PYGB: variants seen among roughly 807,000 people sequenced by gnomAD.
The protein encoded by PYGB is glycogen phosphorylase, brain form.
Under a neutral mutation model 94.3 loss-of-function variants are expected in PYGB, and 82 were observed. That is an observed-to-expected ratio of 0.87 (90% CI 0.73 to 1.04). The LOEUF (loss-of-function observed/expected upper bound fraction) is 1.04. Ranked by LOEUF, PYGB falls within the 50% of genes least tolerant of loss-of-function variation. The pLI is 0.00. For synonymous variants in PYGB, 488 were observed against 479.1 expected (o/e 1.02, Z -0.24); for missense variants, 1,132 against 1,158.2 (o/e 0.98, Z 0.33).
At chr20:25,288,828 T>C (rs2088441307) in intron 15 of PYGB, among the ~76,000 whole-genome samples, 2 of 152,222 alleles carry the variant, frequency 1.3e-5, no homozygotes, top group Non-Finnish European at 1.5e-5. Flanking sequence ...CCCTGAGCAT[T>C]GCCTGGTTTC....
chr20:25,275,949 C>T (rs574935947), intron 5 of PYGB, among the ~76,000 whole-genome samples: 6 of 152,308 alleles, frequency 3.9e-5, no homozygotes, highest in South Asian at 2.1e-4. Context: ...ACGTGTGTGC[C>T]GGGATGAACC....
intron 2 of PYGB, among the ~76,000 whole-genome samples, chr20:25,268,431 A>G (rs945942212): frequency 6.6e-6 from 1 of 151,316 alleles, no homozygotes; most frequent in East Asian, 1.9e-4. Context: ...GTTCATAAAC[A>G]TGTATTGGGT....
intron 1 of PYGB, among the ~76,000 whole-genome samples, chr20:25,255,914 G>T (rs920951835): frequency 3.3e-5 from 5 of 152,090 alleles, no homozygotes; most frequent in Admixed American, 3.3e-4. Flanking sequence ...TGTATTTTTA[G>T]TAGAGACGGG....
chr20:25,275,898 C>T (rs996313018), intron 5 of PYGB, among the ~76,000 whole-genome samples: 17 of 152,116 alleles, frequency 1.1e-4, no homozygotes, highest in Non-Finnish European at 1.5e-4. Context: ...CCCGGTGCGC[C>T]GCCTGTGTGG....
chr20:25,250,858 A>G (rs1269613939), intron 1 of PYGB: 2 of 152,232 alleles, frequency 1.3e-5, no homozygotes, highest in African/African-American at 4.8e-5. Context: ...ATTAGAAAAT[A>G]TAGATAAGCC....
At chr20:25,289,883 C>A (rs1192602666) in intron 15 of PYGB, 1 of 533,406 alleles carries the variant, frequency 1.9e-6, no homozygotes, top group African/African-American at 1.9e-5. Context: ...ATCCGTCACA[C>A]CTAAAGCATT....
intron 17 of PYGB, among the ~76,000 whole-genome samples, chr20:25,293,187 A>G (rs2088488567): frequency 6.6e-6 from 1 of 151,166 alleles, no homozygotes; most frequent in South Asian, 2.1e-4. Flanking sequence ...GGGAGGAGGG[A>G]ATCCTGAAGA....
Position 25,248,177 on chromosome 20 carries a change from C to T in PYGB, c.-2C>T. The T allele has an allele frequency of 6.3e-7, 1 of 1,589,810 alleles. No homozygotes were observed. The highest frequency in any genetic ancestry group is 8.6e-7 in the Non-Finnish European group (1 of 1,168,492). ...CTCTTTTCCTCCGCCTCCGCCGGCG[C>T]GATGGCGAAGCCGCTGACGGACAGC... is the stretch of plus-strand genomic sequence containing the variant. On this transcript the variant is annotated 5_prime_UTR_variant, in exon 1 of 20. Coordinates refer to ENST00000216962, the MANE Select transcript of PYGB (RefSeq NM_002862.4).
chr20:25,263,449 A>G (rs1325511655), intron 2 of PYGB, among the ~76,000 whole-genome samples: 1 of 152,188 alleles, frequency 6.6e-6, no homozygotes, highest in Admixed American at 6.5e-5. Flanking sequence ...ACTGAAGGAG[A>G]TAGAGACACA....
chr20:25,270,241 C>T (rs1306451219), intron 3 of PYGB, among the ~76,000 whole-genome samples: 6 of 143,140 alleles, frequency 4.2e-5, no homozygotes, highest in African/African-American at 1.6e-4. Flanking sequence ...CTCACTCCGT[C>T]GGCCAGGCTG....
chr20:25,258,575 A>G (rs1258428623), intron 1 of PYGB, among the ~76,000 whole-genome samples: 2 of 152,176 alleles, frequency 1.3e-5, no homozygotes, highest in Non-Finnish European at 2.9e-5. Flanking sequence ...CTCGGTAGAG[A>G]AAGTAGGGCA....
chr20:25,271,356 T>C (rs1255817939), intron 3 of PYGB, 27 bp from the exon 4 acceptor site: 6 of 1,608,954 alleles, frequency 3.7e-6, no homozygotes, highest in Non-Finnish European at 5.1e-6. Flanking sequence ...CCTTTGATTC[T>C]GACTGATTTG....
In PYGB at chr20:25,252,011, G is replaced by C. The variant is rs1352799949; in HGVS notation, c.243+3590G>C. On this transcript the variant is annotated intron_variant, in intron 1 of 19. Transcript: ENST00000216962. Reference sequence around the variant, plus strand: ...CCACTTCTGGGATTTGTTTTAATTAGTCAGTTGTGGTACCAGCCTCCGGAA... The same window carrying C: ...CCACTTCTGGGATTTGTTTTAATTACTCAGTTGTGGTACCAGCCTCCGGAA... Among the ~76,000 whole-genome samples, 6 of 152,304 alleles carry C rather than the reference G, an allele frequency of 3.9e-5. No homozygotes were observed. The East Asian group carries it at 1.2e-3, about 29-fold the overall frequency.
rs1447268140 is a variant in PYGB, at chr20:25,297,441, T to TG, written c.*920dup. On this transcript the variant is annotated 3_prime_UTR_variant, in exon 20 of 20. Transcript: ENST00000216962. Reference sequence around the variant, plus strand: ...CCTCCCGCTGACTCCTGCTGTGTCCTGAGGTGCATTTCCTGTTGTACACAC... The same window carrying TG: ...CCTCCCGCTGACTCCTGCTGTGTCCTGGAGGTGCATTTCCTGTTGTACACAC... The TG allele has an allele frequency of 6.6e-6, 1 of 152,518 alleles. No homozygotes were observed. Among genetic ancestry groups the TG allele is most frequent in the African/African-American group, 2.4e-5 (1 of 41,462 alleles). 9.4% of individuals were successfully genotyped at this position (152,518 alleles called of 1,614,324 possible).
In PYGB at chr20:25,297,927, C is replaced by T. The variant is rs1394383427; in HGVS notation, c.*1405C>T. The stretch of plus-strand genomic sequence containing the variant: ...TACTCCCCTAGTTGGCCACTGGGGC[C>T]ACCACCCTGACCACCACTGTGCCCC... On this transcript the variant is annotated 3_prime_UTR_variant, in exon 20 of 20. Coordinates refer to ENST00000216962, the MANE Select transcript of PYGB (RefSeq NM_002862.4). 3 of 152,318 alleles carry T rather than the reference C, an allele frequency of 2.0e-5. No individual in the cohort carries two copies. Among genetic ancestry groups the T allele is most frequent in the Admixed American group, 6.5e-5 (1 of 15,280 alleles). The allele number at this position is 152,318 out of a possible 1,614,324, so 9.4% of individuals were successfully genotyped here.
intron 18 of PYGB, 110 bp from the exon 19 acceptor site, chr20:25,295,494 G>A: frequency 1.5e-6 from 2 of 1,315,626 alleles, no homozygotes; most frequent in Non-Finnish European, 1.1e-6. Flanking sequence ...CTTCGCTCCA[G>A]ACAGGACCAG....
intron 2 of PYGB, among the ~76,000 whole-genome samples, chr20:25,261,292 A>G (rs2092912908): frequency 6.6e-6 from 1 of 152,216 alleles, no homozygotes; most frequent in Non-Finnish European, 1.5e-5. Context: ...CTTCCAGAGG[A>G]ACGATCAGGC....
intron 2 of PYGB, among the ~76,000 whole-genome samples, chr20:25,260,215 C>T (rs2092910489): frequency 6.6e-6 from 1 of 152,142 alleles, no homozygotes; most frequent in Admixed American, 6.5e-5. Flanking sequence ...TGGCAGGTGA[C>T]TTGTCATTTA....
At chr20:25,292,920 G>T (rs2088483491) in intron 17 of PYGB, among the ~76,000 whole-genome samples, 2 of 151,832 alleles carry the variant, frequency 1.3e-5, no homozygotes, top group South Asian at 2.1e-4. Flanking sequence ...CCTGGGGAGG[G>T]TCTCCTAGAG....
Sources: allele counts gnomAD v4.1 joint callset (sites outside exome capture counted in the v4.1 genomes callset), GRCh38; gene constraint gnomAD v4.1.1; transcripts MANE v1.5; gene names NCBI Gene and HGNC (gene_info 2026-07-23, HGNC 2026-07-21).